The following ME1 variants were observed in gnomAD, a reference collection of about 807,000 sequenced individuals.
ME1 encodes the protein malic enzyme 1.
ME1 carries 74 observed loss-of-function variants against 66.4 expected under a neutral mutation model. That is an observed-to-expected ratio of 1.11 (90% confidence interval 0.92 to 1.35). ME1 has a LOEUF of 1.35. Ranked by LOEUF, ME1 falls within the 40% of genes most tolerant of loss-of-function variation. ME1 has a pLI of 0.00. For synonymous variants in ME1, 251 were observed against 235.6 expected (o/e 1.07, Z -0.60); for missense variants, 750 against 694.1 (o/e 1.08, Z -0.90).
chr6:83,428,291 C>T (rs1477607777), intron 1 of ME1, among the ~76,000 whole-genome samples: 1 of 152,116 alleles, frequency 6.6e-6, no homozygotes, highest in African/African-American at 2.4e-5. Flanking sequence ...AATTGACAGA[C>T]TGATTTTACA....
At chr6:83,325,722 A>C (rs1302965604) in intron 5 of ME1, among the ~76,000 whole-genome samples, 2 of 150,378 alleles carry the variant, frequency 1.3e-5, no homozygotes, top group Admixed American at 1.3e-4. Context: ...GAGAGGACAC[A>C]AACAAATGGA....
chr6:83,248,948 C>A (rs894863907), intron 7 of ME1, among the ~76,000 whole-genome samples: 3 of 152,078 alleles, frequency 2.0e-5, no homozygotes, highest in African/African-American at 7.2e-5. Flanking sequence ...CAGATTATTC[C>A]ATTTCTGAAA....
intron 4 of ME1, among the ~76,000 whole-genome samples, chr6:83,351,687 T>G (rs1768805605): frequency 6.6e-6 from 1 of 152,236 alleles, no homozygotes; most frequent in African/African-American, 2.4e-5. Context: ...AAAGTCATAA[T>G]GATAAAAGAA....
chr6:83,414,908 T>A (rs1237114730), intron 1 of ME1, among the ~76,000 whole-genome samples: 1 of 152,164 alleles, frequency 6.6e-6, no homozygotes, highest in East Asian at 1.9e-4. Flanking sequence ...GAGAAAAGTA[T>A]CTGTTAAATA....
At chr6:83,405,701 GTTT>G (rs1251931728) in intron 2 of ME1, among the ~76,000 whole-genome samples, 2 of 141,412 alleles carry the variant, frequency 1.4e-5, no homozygotes, top group African/African-American at 5.7e-5. Flanking sequence ...TTTATTGAGA[GTTT>G]TTTTTGTTGT....
At chr6:83,286,731 C>CT (rs1198312585) in intron 6 of ME1, among the ~76,000 whole-genome samples, 1 of 152,110 alleles carries the variant, frequency 6.6e-6, no homozygotes, top group Non-Finnish European at 1.5e-5. Context: ...CAGGAGCAGG[C>CT]TGGCTATTTC....
chr6:83,356,280 T>C (rs552706199), intron 3 of ME1, among the ~76,000 whole-genome samples: 24 of 152,164 alleles, frequency 1.6e-4, no homozygotes, highest in African/African-American at 5.3e-4. Flanking sequence ...TACTATCTTT[T>C]GAAATAAGAA....
At position 83,212,089 on chromosome 6, in the gene ME1, C is replaced by T. The variant is rs1789901116; in HGVS notation, c.1554G>A (p.Val518=). The change falls in exon 14 of 14, where the codon GTG becomes GTA. Residue 518 remains valine (V), a synonymous_variant. Transcript: ENST00000369705. ...DVSLKIAEKI[V]KDAYQEKTAT... The stretch of plus-strand genomic sequence containing the variant: ...CTGTCTTTTCTTGGTATGCATCTTT[C>T]ACAATCTAGATATAAGAAAAGAATA... The T allele has an allele frequency of 1.9e-6, 3 of 1,601,898 alleles. No individual in the cohort carries two copies. The African/African-American group carries it at 4.0e-5, about 21-fold the overall frequency.
chr6:83,259,868 G>A (rs1196760818), intron 6 of ME1, among the ~76,000 whole-genome samples: 1 of 152,066 alleles, frequency 6.6e-6, no homozygotes, highest in East Asian at 1.9e-4. Flanking sequence ...TGAAGATTCA[G>A]CCATAATCAT....
intron 3 of ME1, among the ~76,000 whole-genome samples, chr6:83,385,701 T>G (rs1475560692): frequency 6.6e-6 from 1 of 151,902 alleles, no homozygotes; most frequent in Non-Finnish European, 1.5e-5. Context: ...TCTCCAAATT[T>G]TTCCTCATTA....
intron 10 of ME1, 27 bp from the exon 11 acceptor site, chr6:83,227,504 T>C (rs1790220297): frequency 1.9e-6 from 3 of 1,555,226 alleles, no homozygotes; most frequent in South Asian, 1.2e-5. Context: ...AAGCTGGTAA[T>C]TAACACTATC....
intron 13 of ME1, among the ~76,000 whole-genome samples, chr6:83,215,011 T>C (rs1402100452): frequency 1.3e-5 from 2 of 152,216 alleles, no homozygotes; most frequent in Non-Finnish European, 2.9e-5. Flanking sequence ...CTTAAAATGA[T>C]AATATGCTAT....
At chr6:83,264,379 A>C (rs942733663) in intron 6 of ME1, among the ~76,000 whole-genome samples, 2 of 152,210 alleles carry the variant, frequency 1.3e-5, no homozygotes, top group Admixed American at 6.5e-5. Context: ...CACAACATCT[A>C]TTCTGCAGCC....
At chr6:83,234,636 T>C (rs1181327317) in intron 9 of ME1, among the ~76,000 whole-genome samples, 5 of 152,222 alleles carry the variant, frequency 3.3e-5, no homozygotes, top group South Asian at 2.1e-4. Context: ...CACTCACCTC[T>C]GGTTATGCCC....
At chr6:83,237,302 A>AGG (rs1790429845) in intron 9 of ME1, among the ~76,000 whole-genome samples, 1 of 74,274 alleles carries the variant, frequency 1.3e-5, no homozygotes, top group Non-Finnish European at 2.7e-5. Flanking sequence ...GAAAGAAAGA[A>AGG]AAAGAAAGAA....
chr6:83,239,737 G>T, intron 7 of ME1, 101 bp from the exon 8 acceptor site: 1 of 783,836 alleles, frequency 1.3e-6, no homozygotes, highest in South Asian at 1.7e-5. Context: ...CAGGTTAACT[G>T]GTACAGAAGA....
chr6:83,395,077 T>C (rs549414727), intron 3 of ME1, among the ~76,000 whole-genome samples: 33 of 151,588 alleles, frequency 2.2e-4, no homozygotes, highest in Non-Finnish European at 8.8e-5. Flanking sequence ...ATGATCAGTA[T>C]TACTTTTTTG....
chr6:83,313,823 T>A (rs1167734866), intron 6 of ME1, among the ~76,000 whole-genome samples: 2 of 152,094 alleles, frequency 1.3e-5, no homozygotes, highest in East Asian at 1.9e-4. Context: ...ATAATTACAA[T>A]AAATAAATCA....
intron 3 of ME1, among the ~76,000 whole-genome samples, chr6:83,363,227 AG>A (rs1769039072): frequency 1.3e-5 from 2 of 152,240 alleles, no homozygotes; most frequent in African/African-American, 4.8e-5. Flanking sequence ...TTAGTTCCAG[AG>A]GGAGGAACGC....
Sources: gnomAD v4.1 joint callset for allele counts (sites outside exome capture counted in the v4.1 genomes callset) on GRCh38, gnomAD v4.1.1 for gene constraint, MANE v1.5 for transcripts, NCBI Gene and HGNC (gene_info 2026-07-23, HGNC 2026-07-21) for gene names.